The following PRKD3 variants were observed in gnomAD, a reference collection of about 807,000 sequenced individuals.
The protein encoded by PRKD3 is serine/threonine-protein kinase D3.
Under a neutral mutation model 99.2 loss-of-function variants are expected in PRKD3, and 47 were observed. That is an observed-to-expected ratio of 0.47 (90% CI 0.38 to 0.60). The LOEUF (loss-of-function observed/expected upper bound fraction) is 0.60, where lower values mean the gene tolerates loss of function less well. PRKD3 is among the 20% of genes least tolerant of loss of function. The pLI, the probability that PRKD3 is intolerant of heterozygous loss-of-function variation, is 0.00. For synonymous variants in PRKD3, 392 were observed against 355.4 expected, an observed-to-expected ratio of 1.10 and a Z score of -1.16; for missense variants, 1,019 against 1,088.4, an observed-to-expected ratio of 0.94 and a Z score of 0.90.
intron 2 of PRKD3, among the ~76,000 whole-genome samples, chr2:37,315,041 T>C (rs562795141): frequency 9.2e-5 from 14 of 152,282 alleles, no homozygotes; most frequent in South Asian, 8.3e-4. Context: ...AATGATAAAC[T>C]ATATAAAGCG....
chr2:37,311,022 C>T (rs1387970598), intron 2 of PRKD3, among the ~76,000 whole-genome samples: 1 of 152,068 alleles, frequency 6.6e-6, no homozygotes, highest in Admixed American at 6.5e-5. Context: ...CACTAGGAAG[C>T]AGAATCACAA....
chr2:37,320,495 G>C (rs574543624), intron 1 of PRKD3, among the ~76,000 whole-genome samples: 2 of 140,102 alleles, frequency 1.4e-5, no homozygotes, highest in African/African-American at 2.7e-5. Flanking sequence ...ACAGTGGCGC[G>C]ATCTTGACTG....
At chr2:37,290,589 T>C (rs1019826476) in intron 4 of PRKD3, among the ~76,000 whole-genome samples, 9 of 152,234 alleles carry the variant, frequency 5.9e-5, no homozygotes, top group Admixed American at 1.3e-4. Context: ...CATTATTTTG[T>C]ACTAAATATT....
At chr2:37,282,876 T>C (rs1014480386) in intron 6 of PRKD3, among the ~76,000 whole-genome samples, 1 of 152,194 alleles carries the variant, frequency 6.6e-6, no homozygotes, top group African/African-American at 2.4e-5. Flanking sequence ...TTATGTCATA[T>C]TCATCTTTCC....
At chr2:37,320,315 C>G (rs1400494614) in intron 1 of PRKD3, among the ~76,000 whole-genome samples, 3 of 151,508 alleles carry the variant, frequency 2.0e-5, no homozygotes, top group African/African-American at 7.3e-5. Context: ...GGTTGTCTCA[C>G]GAGGTAATGA....
intron 12 of PRKD3, among the ~76,000 whole-genome samples, chr2:37,271,758 C>T (rs1251565991): frequency 6.6e-6 from 1 of 152,196 alleles, no homozygotes; most frequent in Non-Finnish European, 1.5e-5. Flanking sequence ...TCTCCCAACC[C>T]CCTACCTCCG....
intron 5 of PRKD3, among the ~76,000 whole-genome samples, chr2:37,287,821 G>T (rs1264768764): frequency 1.3e-5 from 2 of 152,110 alleles, no homozygotes; most frequent in Non-Finnish European, 2.9e-5. Flanking sequence ...TACCCCTCAG[G>T]TTACAAAAAT....
chr2:37,276,592 T>G (rs1183519287), intron 9 of PRKD3, among the ~76,000 whole-genome samples: 1 of 152,078 alleles, frequency 6.6e-6, no homozygotes, highest in Non-Finnish European at 1.5e-5. Flanking sequence ...GAAAATATTT[T>G]TTCCAGTTTC....
chr2:37,254,402 G>C, intron 17 of PRKD3, 113 bp from the exon 18 acceptor site: 3 of 735,224 alleles, frequency 4.1e-6, no homozygotes, highest in Non-Finnish European at 7.2e-6. Context: ...AGGAATTTTT[G>C]CTTCTCAAGG....
At chr2:37,263,204 C>G (rs1002414119) in intron 14 of PRKD3, among the ~76,000 whole-genome samples, 2 of 152,062 alleles carry the variant, frequency 1.3e-5, no homozygotes, top group Admixed American at 1.3e-4. Context: ...TACAAAGGCG[C>G]TGATATATAT....
At chr2:37,268,873 C>G (rs527617789) in intron 13 of PRKD3, 9 of 153,844 alleles carry the variant, frequency 5.9e-5, no homozygotes, top group African/African-American at 1.9e-4. Flanking sequence ...CTGTAGATGA[C>G]TGTGAACCAC....
intron 9 of PRKD3, among the ~76,000 whole-genome samples, chr2:37,277,609 T>C (rs1669639640): frequency 6.6e-6 from 1 of 152,204 alleles, no homozygotes; most frequent in Non-Finnish European, 1.5e-5. Context: ...GAGTTAATTA[T>C]TTTTTATTGT....
Position 37,298,422 on chromosome 2 carries a change from T to A in PRKD3, c.289-5151A>T, listed in dbSNP as rs544284492. Among the ~76,000 whole-genome samples, 699 of 151,528 alleles carry A rather than the reference T, an allele frequency of 4.6e-3. 6 individuals carry two copies. The highest frequency in any genetic ancestry group is 0.015 in the African/African-American group (629 of 41,216). The stretch of plus-strand genomic sequence containing the variant: ...CCATTAACAAAGTTATTTTTTTTTT[T>A]AAAAACAGATGTATAGTTTTCTTTC... On this transcript the variant is annotated intron_variant, in intron 2 of 18. Transcript: ENST00000234179.
intron 18 of PRKD3, among the ~76,000 whole-genome samples, chr2:37,253,894 A>G (rs1667722683): frequency 6.6e-6 from 1 of 152,224 alleles, no homozygotes; most frequent in Non-Finnish European, 1.5e-5. Context: ...CAATGCAAAA[A>G]TAAATCCTTC....
Position 37,267,469 on chromosome 2 carries a change from T to C in PRKD3, c.1845A>G (p.Lys615=). The C allele has an allele frequency of 1.2e-6, 2 of 1,610,910 alleles. No individual in the cohort carries two copies. The highest frequency in any genetic ancestry group is 2.2e-5 in the South Asian group (2 of 90,480). The change falls in exon 14 of 19, where the codon AAA becomes AAG. Residue 615 remains lysine, a synonymous_variant. Transcript: ENST00000234179. ...KVIDKMRFPT[K]QESQLRNEVA... is the part of the protein sequence containing the mutation. ...CTTCATTACGGAGTTGACTTTCTTG[T>C]TTTGTGGGGAATCTCATCTTATCAA...
At chr2:37,284,480 C>A (rs1049750133) in intron 6 of PRKD3, among the ~76,000 whole-genome samples, 1 of 152,138 alleles carries the variant, frequency 6.6e-6, no homozygotes, top group Non-Finnish European at 1.5e-5. Flanking sequence ...TGTTTCTGTT[C>A]TGCTTAGCAG....
intron 1 of PRKD3, chr2:37,324,349 C>G (rs1490780520): frequency 4.7e-6 from 2 of 424,580 alleles, no homozygotes; most frequent in African/African-American, 4.3e-5. Flanking sequence ...CGGTGGTCTC[C>G]AGCGGAGCGC....
At chr2:37,259,845 A>G (rs908852849) in intron 15 of PRKD3, among the ~76,000 whole-genome samples, 164 bp from the exon 16 acceptor site, 3 of 152,168 alleles carry the variant, frequency 2.0e-5, no homozygotes, top group African/African-American at 7.2e-5. Flanking sequence ...CAATCACCCA[A>G]CATGTAAAAG....
chr2:37,267,925 C>A, intron 13 of PRKD3: 1 of 192,910 alleles, frequency 5.2e-6, no homozygotes, highest in Non-Finnish European at 1.1e-5. Context: ...GTGATTTAAC[C>A]ATGTACCCAC....
Sources: allele counts gnomAD v4.1 joint callset (sites outside exome capture counted in the v4.1 genomes callset), GRCh38; gene constraint gnomAD v4.1.1; transcripts MANE v1.5; gene names NCBI Gene and HGNC (gene_info 2026-07-23, HGNC 2026-07-21).